Variants in ACTA2 observed in about 807,000 individuals in gnomAD.
The protein encoded by ACTA2 is actin, aortic smooth muscle.
In ACTA2, 12 loss-of-function variants were observed where a neutral mutation model predicts 39.5. The observed-to-expected ratio is 0.30, with a 90% CI of 0.19 to 0.49. The LOEUF (loss-of-function observed/expected upper bound fraction) is 0.49. ACTA2 is among the 20% of genes least tolerant of loss of function. ACTA2 has a pLI of 0.99. For synonymous variants in ACTA2, 158 were observed against 180.6 expected, an observed-to-expected ratio of 0.88 and a Z score of 1.00; for missense variants, 236 against 498.8, an observed-to-expected ratio of 0.47 and a Z score of 5.02.
chr10:88,957,736 T>G (rs1846160744), upstream of ACTA2, among the ~76,000 whole-genome samples: 2 of 152,136 alleles, frequency 1.3e-5, no homozygotes, highest in African/African-American at 4.8e-5. Context: ...AAACTCAGCT[T>G]AAGTATCCCC....
At chr10:88,984,580 A>C (rs1846818548) in intron 1 of ACTA2, among the ~76,000 whole-genome samples, 1 of 152,082 alleles carries the variant, frequency 6.6e-6, no homozygotes, top group Non-Finnish European at 1.5e-5. Context: ...AACTGGTTCA[A>C]TATTGTGTTG....
At chr10:88,938,700 A>G (rs1699271648) in intron 7 of ACTA2, among the ~76,000 whole-genome samples, 1 of 150,366 alleles carries the variant, frequency 6.7e-6, no homozygotes, top group African/African-American at 2.5e-5. Flanking sequence ...ATCCTGTTGG[A>G]AAAGGCTCAT....
chr10:88,947,831 C>G (rs1289923691), intron 2 of ACTA2, among the ~76,000 whole-genome samples: 1 of 152,096 alleles, frequency 6.6e-6, no homozygotes, highest in African/African-American at 2.4e-5. Context: ...ATCACCTACC[C>G]AAAAGAATAT....
chr10:88,975,460 C>T (rs921875840), intron 1 of ACTA2, among the ~76,000 whole-genome samples: 1 of 152,110 alleles, frequency 6.6e-6, no homozygotes, highest in African/African-American at 2.4e-5. Flanking sequence ...TAACAATTTT[C>T]CTGTCATTCC....
intron 1 of ACTA2, among the ~76,000 whole-genome samples, chr10:88,976,741 TA>T (rs1846573599): frequency 6.6e-6 from 1 of 152,214 alleles, no homozygotes; most frequent in South Asian, 2.1e-4. Flanking sequence ...ATGATAGAAA[TA>T]AAGTGTTGAA....
At chr10:88,973,162 T>C in intron 1 of ACTA2, 1 of 1,606,228 alleles carries the variant, frequency 6.2e-7, no homozygotes, top group Non-Finnish European at 8.5e-7. Context: ...CACCTTCCCT[T>C]TCTTCTGTGT....
chr10:88,937,718 G>A (rs557530919), intron 8 of ACTA2, among the ~76,000 whole-genome samples: 1 of 152,244 alleles, frequency 6.6e-6, no homozygotes, highest in African/African-American at 2.4e-5. Context: ...TTTAAAAAAT[G>A]TGTTACATGC....
chr10:88,981,264 G>C (rs1187215368), intron 1 of ACTA2, among the ~76,000 whole-genome samples: 1 of 152,190 alleles, frequency 6.6e-6, no homozygotes, highest in African/African-American at 2.4e-5. Flanking sequence ...GATAATATTA[G>C]ATGTTAAGAT....
At chr10:88,959,854 T>G (rs1302111838) in intron 1 of ACTA2, among the ~76,000 whole-genome samples, 1 of 152,126 alleles carries the variant, frequency 6.6e-6, no homozygotes, top group Non-Finnish European at 1.5e-5. Flanking sequence ...TTTTGAGGAG[T>G]ATTGATCAGA....
Position 88,948,681 on chromosome 10 carries a change from G to T in ACTA2, c.129+121C>A, listed in dbSNP as rs140831683. Reference sequence around the variant, plus strand: ...TACTCCTGGACCTTAATCATTAGAGGTCTATTTGTAACAAGGTTACATAAC... The same window carrying T: ...TACTCCTGGACCTTAATCATTAGAGTTCTATTTGTAACAAGGTTACATAAC... On this transcript the variant is annotated intron_variant, in intron 2 of 8. Transcript: ENST00000224784. 4.5e-4 allele frequency: 615 copies of T among 1,356,280 alleles called. 5 individuals are homozygous for T. In the African/African-American group the frequency reaches 8.0e-3, roughly 18 times the overall value. The allele number at this position is 1,356,280 out of a possible 1,614,324, so 84.0% of individuals were successfully genotyped here.
chr10:88,965,748 G>A (rs1846307953), intron 1 of ACTA2, among the ~76,000 whole-genome samples: 1 of 152,142 alleles, frequency 6.6e-6, no homozygotes, highest in Non-Finnish European at 1.5e-5. Flanking sequence ...TGAGCAAAGA[G>A]CCCCTTACTA....
chr10:88,985,690 C>A (rs1428623472), intron 1 of ACTA2, among the ~76,000 whole-genome samples: 1 of 152,206 alleles, frequency 6.6e-6, no homozygotes, highest in Non-Finnish European at 1.5e-5. Flanking sequence ...GCTTGGGAGA[C>A]AATGACTGCC....
At chr10:88,991,067 G>A (rs963236101) in exon 1 of ACTA2, 6 of 896,008 alleles carry the variant, frequency 6.7e-6, no homozygotes, top group South Asian at 1.5e-5. Flanking sequence ...ACTGGCTCCC[G>A]GGGGCTGTTA....
At chr10:88,960,675 C>T (rs1437700364) in intron 1 of ACTA2, among the ~76,000 whole-genome samples, 3 of 144,964 alleles carry the variant, frequency 2.1e-5, no homozygotes, top group East Asian at 3.9e-4. Flanking sequence ...ACCACCATGA[C>T]CCATTGGCAT....
intron 1 of ACTA2, among the ~76,000 whole-genome samples, chr10:88,971,111 A>G (rs1049654105): frequency 6.6e-6 from 1 of 152,240 alleles, no homozygotes; most frequent in African/African-American, 2.4e-5. Flanking sequence ...TTTTCAAGCA[A>G]TGCTTAGCCA....
At position 88,975,881 on chromosome 10, in the gene ACTA2, A is replaced by G. The variant is rs148514785; in HGVS notation, c.-24+15058T>C. Among the ~76,000 whole-genome samples, 9 of 152,244 alleles carry G rather than the reference A, an allele frequency of 5.9e-5. No homozygotes were observed. The South Asian group carries it at 8.3e-4, about 14-fold the overall frequency. ...ACTATCAGTATACAGTACTACTCCCATTGTGTTATACCATAATACTATGCA... is the reference window on the plus strand; with the variant it reads ...ACTATCAGTATACAGTACTACTCCCGTTGTGTTATACCATAATACTATGCA... On this transcript the variant is annotated intron_variant, in intron 1 of 4. Coordinates refer to the ACTA2 transcript ENST00000415557.
intron 1 of ACTA2, among the ~76,000 whole-genome samples, chr10:88,972,151 C>T (rs1462939989): frequency 6.6e-6 from 1 of 152,176 alleles, no homozygotes; most frequent in Non-Finnish European, 1.5e-5. Context: ...TTGTGATCCA[C>T]CCGCCTCAGC....
upstream of ACTA2, among the ~76,000 whole-genome samples, chr10:88,956,236 G>A (rs138749198): frequency 4.4e-3 from 673 of 152,286 alleles, 6 homozygotes; most frequent in African/African-American, 0.015. Flanking sequence ...CAATTCTTGA[G>A]GTCAGAAGTC....
At chr10:88,960,342 T>C (rs1185405287) in intron 1 of ACTA2, among the ~76,000 whole-genome samples, 2 of 152,306 alleles carry the variant, frequency 1.3e-5, no homozygotes, top group East Asian at 3.9e-4. Context: ...GATGACATGG[T>C]GAACTGGCGG....
Sources: allele counts gnomAD v4.1 joint callset (sites outside exome capture counted in the v4.1 genomes callset), GRCh38; gene constraint gnomAD v4.1.1; transcripts MANE v1.5; gene names NCBI Gene and HGNC (gene_info 2026-07-23, HGNC 2026-07-21).